The following SYNE1 variants were observed in gnomAD, a reference collection of about 807,000 sequenced individuals.
SYNE1 encodes nesprin-1.
SYNE1 carries 616 observed loss-of-function variants against 1,111.0 expected under a neutral mutation model. That is an observed-to-expected ratio of 0.55 (90% CI 0.52 to 0.59). The LOEUF is 0.59. Ranked by LOEUF, SYNE1 falls within the 20% of genes least tolerant of loss-of-function variation. The pLI, the probability that SYNE1 is intolerant of heterozygous loss-of-function variation, is 0.00. For missense variants in SYNE1, 10,006 were observed against 10,417.0 expected, an observed-to-expected ratio of 0.96 and a Z score of 1.72; for synonymous variants, 3,855 against 3,825.8, an observed-to-expected ratio of 1.01 and a Z score of -0.28.
Position 152,430,474 on chromosome 6 carries a change from A to G in SYNE1, c.4689+8T>C. On this transcript the variant is annotated splice_region_variant and intron_variant, in intron 35 of 145. Coordinates refer to ENST00000367255, the MANE Select transcript of SYNE1 (RefSeq NM_182961.4). ...TGTAAACTTAAGTATAGGTGGATCA[A>G]TTCTTACCTTTCTAAGGTTCTCTTC... 1 of 1,612,150 alleles carries G rather than the reference A, an allele frequency of 6.2e-7. No homozygotes were observed. The highest frequency in any genetic ancestry group is 8.5e-7 in the Non-Finnish European group (1 of 1,178,236).
chr6:152,135,769 T>C (rs2056926305), intron 141 of SYNE1, among the ~76,000 whole-genome samples: 1 of 152,178 alleles, frequency 6.6e-6, no homozygotes, highest in African/African-American at 2.4e-5. Context: ...TTGGGGCACA[T>C]ATAAACCTGG....
rs58087660 is a variant in SYNE1, at chr6:152,169,627, C to CAA, written c.23628-5304_23628-5303dup. Reference sequence around the variant, plus strand: ...TGGGTTACAAAGTGACACCTCATCTCAAAAAAAAAAAAAAAAAAAAATCAA... The same window carrying CAA: ...TGGGTTACAAAGTGACACCTCATCTCAAAAAAAAAAAAAAAAAAAAAAATCAA... On this transcript the variant is annotated intron_variant, in intron 130 of 145. Coordinates refer to ENST00000367255, the MANE Select transcript of SYNE1 (RefSeq NM_182961.4). 5.2e-4 allele frequency among the ~76,000 whole-genome samples: 37 copies of CAA among 71,434 alleles called. 1 individual carries two copies. The South Asian group carries it at 5.5e-3, about 11-fold the overall frequency. The allele number at this position is 71,434 out of a possible 152,430, so 46.9% of individuals were successfully genotyped here.
chr6:152,363,375 TA>T (rs1459546961), intron 63 of SYNE1, among the ~76,000 whole-genome samples: 4 of 149,816 alleles, frequency 2.7e-5, no homozygotes, highest in Non-Finnish European at 6.0e-5. Flanking sequence ...GCGCCTGTAG[TA>T]CCAGCTACTC....
chr6:152,618,978 T>G (rs1028980538), intron 3 of SYNE1, among the ~76,000 whole-genome samples: 13 of 152,036 alleles, frequency 8.6e-5, no homozygotes, highest in African/African-American at 3.1e-4. Flanking sequence ...TACTTATGAT[T>G]AACAATTGCT....
intron 135 of SYNE1, among the ~76,000 whole-genome samples, chr6:152,150,966 C>A (rs1034640358): frequency 6.6e-6 from 1 of 152,176 alleles, no homozygotes; most frequent in African/African-American, 2.4e-5. Flanking sequence ...AATCCCAGCA[C>A]TTTGGGAGGC....
intron 56 of SYNE1, among the ~76,000 whole-genome samples, chr6:152,378,900 T>C (rs2097343280): frequency 1.3e-5 from 2 of 152,184 alleles, no homozygotes; most frequent in East Asian, 3.9e-4. Context: ...GGTTTGTCAA[T>C]TCTTTATTTA....
intron 130 of SYNE1, chr6:152,167,631 C>G: frequency 2.3e-6 from 1 of 428,248 alleles, no homozygotes; most frequent in South Asian, 1.9e-5. Flanking sequence ...ACAAAAGCAA[C>G]TTTCTCAAAC....
chr6:152,632,784 A>C (rs1029583601), intron 2 of SYNE1, among the ~76,000 whole-genome samples: 16 of 152,358 alleles, frequency 1.1e-4, no homozygotes, highest in Admixed American at 1.0e-3. Context: ...TCCTGCTTAA[A>C]TTAATTTTTT....
chr6:152,563,158 T>C (rs576108541), intron 3 of SYNE1, among the ~76,000 whole-genome samples: 8 of 152,192 alleles, frequency 5.3e-5, no homozygotes, highest in African/African-American at 1.4e-4. Context: ...GTCTTGTAGA[T>C]TGTTTTTATC....
intron 107 of SYNE1, among the ~76,000 whole-genome samples, chr6:152,241,653 G>C (rs1172248726): frequency 1.3e-5 from 2 of 152,126 alleles, no homozygotes; most frequent in Non-Finnish European, 2.9e-5. Flanking sequence ...TGTTCCCAGG[G>C]AGAAAGTCTG....
At chr6:152,181,655 T>C (rs894182097) in intron 128 of SYNE1, among the ~76,000 whole-genome samples, 3 of 152,250 alleles carry the variant, frequency 2.0e-5, no homozygotes, top group Non-Finnish European at 4.4e-5. Flanking sequence ...TTCCCTTTAT[T>C]GCTGACTATA....
At chr6:152,185,575 T>G (rs1009530728) in intron 128 of SYNE1, among the ~76,000 whole-genome samples, 3 of 152,232 alleles carry the variant, frequency 2.0e-5, no homozygotes, top group Non-Finnish European at 4.4e-5. Context: ...TTAAATATTA[T>G]TTTTCAGACT....
intron 21 of SYNE1, among the ~76,000 whole-genome samples, chr6:152,460,769 C>A (rs1270411608): frequency 6.7e-6 from 1 of 148,972 alleles, no homozygotes. Context: ...ATCTAGTTCC[C>A]TGTACAGAAA....
At chr6:152,613,823 A>G (rs1052076951) in intron 3 of SYNE1, among the ~76,000 whole-genome samples, 5 of 152,184 alleles carry the variant, frequency 3.3e-5, no homozygotes, top group Non-Finnish European at 5.9e-5. Context: ...GCCCTCAGAA[A>G]TAACACCACA....
At chr6:152,176,320 T>C (rs1430445108) in intron 130 of SYNE1, 74 bp downstream of exon 130, 1 of 1,590,594 alleles carries the variant, frequency 6.3e-7, no homozygotes, top group African/African-American at 1.3e-5. Flanking sequence ...GGATTATCTT[T>C]GGCTGATGAA....
intron 3 of SYNE1, among the ~76,000 whole-genome samples, chr6:152,618,495 G>T (rs868683066): frequency 1.4e-4 from 21 of 152,204 alleles, no homozygotes; most frequent in African/African-American, 5.1e-4. Context: ...AACTCAAAGT[G>T]CCAGTGACAC....
chr6:152,429,458 T>G (rs1339525033), intron 36 of SYNE1, among the ~76,000 whole-genome samples: 1 of 152,050 alleles, frequency 6.6e-6, no homozygotes, highest in African/African-American at 2.4e-5. Context: ...AATAGAAATC[T>G]CACTCCCTCT....
At chr6:152,236,419 T>C in intron 109 of SYNE1, 116 bp from the exon 110 acceptor site, 1 of 767,500 alleles carries the variant, frequency 1.3e-6, no homozygotes, top group Non-Finnish European at 2.2e-6. Flanking sequence ...ACTTAAACTA[T>C]ACTCACTCAA....
intron 6 of SYNE1, among the ~76,000 whole-genome samples, chr6:152,513,987 G>A (rs1430476232): frequency 6.6e-6 from 1 of 152,212 alleles, no homozygotes; most frequent in African/African-American, 2.4e-5. Flanking sequence ...AACTGATGCT[G>A]GAGAGGATGT....
Sources: gnomAD v4.1 joint callset for allele counts (sites outside exome capture counted in the v4.1 genomes callset) on GRCh38, gnomAD v4.1.1 for gene constraint, MANE v1.5 for transcripts, NCBI Gene and HGNC (gene_info 2026-07-23, HGNC 2026-07-21) for gene names.